GRID2: variants seen among roughly 807,000 people sequenced by gnomAD.
GRID2 encodes glutamate receptor ionotropic, delta-2.
Under a neutral mutation model 114.8 loss-of-function variants are expected in GRID2, and 33 were observed. The ratio of observed to expected loss-of-function variants is 0.29; its 90% CI spans 0.22 to 0.38. The LOEUF (loss-of-function observed/expected upper bound fraction) is 0.38, where lower values mean the gene tolerates loss of function less well. GRID2 is among the 10% of genes least tolerant of loss of function. GRID2 has a pLI of 1.00. For synonymous variants in GRID2, 505 were observed against 449.9 expected (o/e 1.12, Z -1.55); for missense variants, 1,184 against 1,257.7 (o/e 0.94, Z 0.89).
rs535568074 is a variant in GRID2, at chr4:93,237,107, A to G, written c.1126-1264A>G. ...TTAGCCTGGTTTACACATCTAGTAGATCCCGAAGCCATTGGTGAAACCCAG... is the reference window on the plus strand; with the variant it reads ...TTAGCCTGGTTTACACATCTAGTAGGTCCCGAAGCCATTGGTGAAACCCAG... On this transcript the variant is annotated intron_variant, in intron 7 of 15. Transcript: ENST00000282020. Among the ~76,000 whole-genome samples the G allele has an allele frequency of 1.8e-4, 28 of 152,058 alleles. No homozygotes were observed. The South Asian group carries it at 2.3e-3, about 12-fold the overall frequency.
chr4:92,473,718 T>C (rs929497144), intron 1 of GRID2, among the ~76,000 whole-genome samples: 1 of 152,062 alleles, frequency 6.6e-6, no homozygotes, highest in Non-Finnish European at 1.5e-5. Context: ...CCATCAATAG[T>C]GTCAAGTTGG....
At chr4:92,656,263 T>C (rs957657659) in intron 2 of GRID2, among the ~76,000 whole-genome samples, 32 of 151,896 alleles carry the variant, frequency 2.1e-4, no homozygotes, top group African/African-American at 7.5e-4. Flanking sequence ...TGATATCTTA[T>C]TATGGCTTTA....
chr4:92,334,313 T>C (rs1435346091), intron 1 of GRID2, among the ~76,000 whole-genome samples: 1 of 152,202 alleles, frequency 6.6e-6, no homozygotes, highest in Non-Finnish European at 1.5e-5. Flanking sequence ...GGAATTGCCC[T>C]TAATGTTCCA....
chr4:93,200,798 A>C (rs1385325300), intron 4 of GRID2, among the ~76,000 whole-genome samples: 2 of 152,212 alleles, frequency 1.3e-5, no homozygotes, highest in East Asian at 3.9e-4. Context: ...TATAGTCTAC[A>C]TGTTCCAAAC....
At chr4:93,623,057 G>T (rs1269768357) in intron 13 of GRID2, among the ~76,000 whole-genome samples, 1 of 151,828 alleles carries the variant, frequency 6.6e-6, no homozygotes, top group Non-Finnish European at 1.5e-5. Context: ...CACGTTTTTT[G>T]AATATTTCAT....
chr4:93,666,704 C>A (rs943255827), intron 14 of GRID2, among the ~76,000 whole-genome samples: 1 of 151,928 alleles, frequency 6.6e-6, no homozygotes, highest in Non-Finnish European at 1.5e-5. Flanking sequence ...TCACTTATAT[C>A]CTCATTTGAG....
chr4:92,909,387 C>G (rs1284681956), intron 2 of GRID2, among the ~76,000 whole-genome samples: 1 of 151,676 alleles, frequency 6.6e-6, no homozygotes, highest in Non-Finnish European at 1.5e-5. Flanking sequence ...CCATTATAAA[C>G]ACCTTCCCTC....
intron 1 of GRID2, among the ~76,000 whole-genome samples, chr4:92,479,759 A>G (rs539192135): frequency 7.2e-5 from 11 of 152,316 alleles, no homozygotes; most frequent in African/African-American, 2.2e-4. Context: ...GATAAGTAAT[A>G]TAAATTAATT....
At chr4:92,965,489 A>AAAC (rs1753097835) in intron 2 of GRID2, among the ~76,000 whole-genome samples, 1 of 131,218 alleles carries the variant, frequency 7.6e-6, no homozygotes. Flanking sequence ...AAAAAAAAAA[A>AAAC]CACACAACAT....
intron 2 of GRID2, among the ~76,000 whole-genome samples, chr4:92,617,946 T>C (rs1730082354): frequency 6.6e-6 from 1 of 151,684 alleles, no homozygotes; most frequent in Non-Finnish European, 1.5e-5. Flanking sequence ...GTGCAAATAT[T>C]TTCTTCCATT....
Position 92,482,033 on chromosome 4 carries a change from T to TAA in GRID2, c.89-108095_89-108094dup, listed in dbSNP as rs56140792. On this transcript the variant is annotated intron_variant, in intron 1 of 15. Transcript: ENST00000282020. ...ATATATATATATATATATATATATATAAAATAACAATACAAGCTTATAGCT... is the reference window on the plus strand; with the variant it reads ...ATATATATATATATATATATATATATAAAAAATAACAATACAAGCTTATAGCT... Among the ~76,000 whole-genome samples, 91 of 55,942 alleles carry TAA rather than the reference T, an allele frequency of 1.6e-3. 1 individual carries two copies. Among genetic ancestry groups the TAA allele is most frequent in the Middle Eastern group, 0.012 (1 of 82 alleles). 36.7% of individuals were successfully genotyped at this position (55,942 alleles called of 152,430 possible).
At chr4:92,546,166 T>A (rs1446664120) in intron 1 of GRID2, among the ~76,000 whole-genome samples, 1 of 152,186 alleles carries the variant, frequency 6.6e-6, no homozygotes, top group Non-Finnish European at 1.5e-5. Context: ...TGTGACTGTA[T>A]ATTTAGAGAT....
intron 2 of GRID2, among the ~76,000 whole-genome samples, chr4:92,650,312 T>G (rs1004955302): frequency 6.6e-6 from 1 of 151,996 alleles, no homozygotes; most frequent in Non-Finnish European, 1.5e-5. Flanking sequence ...CTTCCACTGG[T>G]CATGGTTCTT....
At chr4:93,072,411 G>T (rs569848175) in intron 2 of GRID2, among the ~76,000 whole-genome samples, 6 of 152,092 alleles carry the variant, frequency 3.9e-5, no homozygotes, top group Non-Finnish European at 8.8e-5. Context: ...TGGAATAGCA[G>T]ACACAAGGGG....
chr4:93,802,122 G>A (rs1026740170), intron 1 of GRID2, among the ~76,000 whole-genome samples: 8 of 152,144 alleles, frequency 5.3e-5, no homozygotes, highest in South Asian at 4.1e-4. Context: ...TCTTTCTGCC[G>A]CAGGGCGTGC....
chr4:93,371,175 T>C (rs1187124221), intron 8 of GRID2, among the ~76,000 whole-genome samples: 2 of 152,164 alleles, frequency 1.3e-5, no homozygotes, highest in African/African-American at 2.4e-5. Flanking sequence ...GGAAATCATA[T>C]TTGTTGAGAC....
At chr4:93,214,477 A>C (rs1743955556) in intron 5 of GRID2, among the ~76,000 whole-genome samples, 1 of 152,066 alleles carries the variant, frequency 6.6e-6, no homozygotes, top group Non-Finnish European at 1.5e-5. Flanking sequence ...TCAAGTTTTC[A>C]TATCACTGTT....
intron 1 of GRID2, among the ~76,000 whole-genome samples, chr4:92,485,507 C>T (rs1253533616): frequency 2.0e-5 from 3 of 150,616 alleles, no homozygotes; most frequent in African/African-American, 7.3e-5. Context: ...CAAGACTAGC[C>T]TGTAAAACCC....
chr4:92,924,805 T>C (rs771167972), intron 2 of GRID2, among the ~76,000 whole-genome samples: 23 of 152,252 alleles, frequency 1.5e-4, no homozygotes, highest in Non-Finnish European at 3.1e-4. Flanking sequence ...CTTCAAATGA[T>C]TAATTATTGC....
Sources: gnomAD v4.1 joint callset for allele counts (sites outside exome capture counted in the v4.1 genomes callset) on GRCh38, gnomAD v4.1.1 for gene constraint, MANE v1.5 for transcripts, NCBI Gene and HGNC (gene_info 2026-07-23, HGNC 2026-07-21) for gene names.